Variants in PALLD observed in about 807,000 individuals in gnomAD.
PALLD encodes the protein palladin.
In PALLD, 61 loss-of-function variants were observed where a neutral mutation model predicts 123.5. That is an observed-to-expected ratio of 0.49 (90% CI 0.40 to 0.61). The LOEUF (loss-of-function observed/expected upper bound fraction) is 0.61, where lower values mean the gene tolerates loss of function less well. PALLD is among the 20% of genes least tolerant of loss of function. The pLI is 0.00. For synonymous variants in PALLD, 465 were observed against 496.4 expected (o/e 0.94, Z 0.84); for missense variants, 1,273 against 1,377.0 (o/e 0.92, Z 1.20).
intron 3 of PALLD, among the ~76,000 whole-genome samples, chr4:168,675,709 A>G (rs535363956): frequency 3.3e-5 from 5 of 152,330 alleles, no homozygotes; most frequent in African/African-American, 9.6e-5. Flanking sequence ...ATTTTTAAAT[A>G]CCATATTTTT....
chr4:168,538,968 C>G (rs1765350733), intron 2 of PALLD, among the ~76,000 whole-genome samples: 1 of 152,156 alleles, frequency 6.6e-6, no homozygotes, highest in Non-Finnish European at 1.5e-5. Flanking sequence ...TCCCCCAGCC[C>G]CTAAAAAGGC....
At chr4:168,699,074 C>T (rs943447336) in intron 8 of PALLD, among the ~76,000 whole-genome samples, 1 of 151,962 alleles carries the variant, frequency 6.6e-6, no homozygotes, top group Non-Finnish European at 1.5e-5. Flanking sequence ...TTAAAAAAAT[C>T]CTTTGCAATT....
Position 168,926,439 on chromosome 4 carries a change from A to T in PALLD, c.*259A>T. 2 of 1,283,742 alleles carry T rather than the reference A, an allele frequency of 1.6e-6. No homozygotes were observed. Among genetic ancestry groups the T allele is most frequent in the South Asian group, 2.6e-5 (2 of 77,694 alleles). The allele number at this position is 1,283,742 out of a possible 1,614,324, so 79.5% of individuals were successfully genotyped here. A position where few individuals can be genotyped will look rare whatever the true frequency, so the allele number is the denominator to read the frequency against. ...TGAAACAGCCATTGCCTTGACCAAC[A>T]TATTCCTTTGTCACATTATGTAAAA... On this transcript the variant is annotated 3_prime_UTR_variant, in exon 22 of 22. Transcript: ENST00000505667.
intron 10 of PALLD, among the ~76,000 whole-genome samples, chr4:168,890,642 C>T (rs1004778229): frequency 2.2e-4 from 33 of 152,170 alleles, no homozygotes; most frequent in African/African-American, 3.6e-4. Flanking sequence ...GCTGCCGCCT[C>T]GCTAAGACTT....
At chr4:168,615,062 G>T (rs906675357) in intron 2 of PALLD, among the ~76,000 whole-genome samples, 1 of 152,126 alleles carries the variant, frequency 6.6e-6, no homozygotes, top group Non-Finnish European at 1.5e-5. Context: ...TAAAGAAATA[G>T]GCTAAGGGAA....
intron 2 of PALLD, among the ~76,000 whole-genome samples, chr4:168,547,666 G>A (rs1274092525): frequency 3.3e-5 from 5 of 151,538 alleles, no homozygotes; most frequent in East Asian, 1.9e-4. Flanking sequence ...CCTGGGAGGC[G>A]TGGCCAGGCA....
intron 10 of PALLD, among the ~76,000 whole-genome samples, chr4:168,780,458 TCTTA>T (rs1224305156): frequency 6.6e-6 from 1 of 152,220 alleles, no homozygotes; most frequent in East Asian, 1.9e-4. Flanking sequence ...TTTTGCTGTT[TCTTA>T]CTAAGATTTG....
chr4:168,685,011 T>C (rs1239400451), intron 5 of PALLD, among the ~76,000 whole-genome samples: 4 of 152,218 alleles, frequency 2.6e-5, no homozygotes, highest in Admixed American at 2.6e-4. Flanking sequence ...AAAAAAATTC[T>C]TTTCTCTCCT....
intron 2 of PALLD, chr4:168,598,696 T>A: frequency 2.8e-6 from 1 of 360,428 alleles, no homozygotes; most frequent in Non-Finnish European, 5.5e-6. Context: ...AGGTTCCACC[T>A]TTGTTTTGCA....
At chr4:168,765,269 G>C (rs1247889675) in intron 10 of PALLD, among the ~76,000 whole-genome samples, 1 of 152,192 alleles carries the variant, frequency 6.6e-6, no homozygotes, top group Non-Finnish European at 1.5e-5. Context: ...GAAGGAGGGA[G>C]AAGGAAAAAC....
intron 2 of PALLD, among the ~76,000 whole-genome samples, chr4:168,645,120 G>A (rs1331758455): frequency 1.3e-5 from 2 of 151,642 alleles, no homozygotes; most frequent in Non-Finnish European, 2.9e-5. Flanking sequence ...AAAGGAAATA[G>A]GGAGAAAGAT....
chr4:168,555,254 C>T (rs1989171), intron 2 of PALLD, among the ~76,000 whole-genome samples: 100,190 of 152,018 alleles, frequency 0.66, 33,369 homozygotes, highest in East Asian at 0.85. Context: ...AGGTATCTGT[C>T]AAGGCTGATT....
chr4:168,616,088 G>A (rs1012330621), intron 2 of PALLD, among the ~76,000 whole-genome samples: 3 of 151,870 alleles, frequency 2.0e-5, no homozygotes, highest in Admixed American at 6.6e-5. Flanking sequence ...GTTTAAACTG[G>A]GTTGTATTCA....
intron 10 of PALLD, among the ~76,000 whole-genome samples, chr4:168,774,791 A>T (rs1182322747): frequency 6.7e-6 from 1 of 149,282 alleles, no homozygotes; most frequent in Non-Finnish European, 1.5e-5. Context: ...TTCCTACCCC[A>T]TTATAATCCC....
chr4:168,668,184 C>T lies in PALLD; in HGVS notation c.909-6C>T. 1 of 1,612,494 alleles carries T rather than the reference C, an allele frequency of 6.2e-7. No homozygotes were observed. Among genetic ancestry groups the T allele is most frequent in the Non-Finnish European group, 8.5e-7 (1 of 1,178,498 alleles). ...TCCTATCCTTTGACCTCCATTTGGCCTGCAGATGGTTCTGTGAAGGGAAAG... is the reference window on the plus strand; with the variant it reads ...TCCTATCCTTTGACCTCCATTTGGCTTGCAGATGGTTCTGTGAAGGGAAAG... On this transcript the variant is annotated splice_polypyrimidine_tract_variant and splice_region_variant and intron_variant, in intron 2 of 21. Transcript: ENST00000505667.
intron 10 of PALLD, among the ~76,000 whole-genome samples, chr4:168,739,213 T>C (rs1788081338): frequency 6.6e-6 from 1 of 152,244 alleles, no homozygotes; most frequent in South Asian, 2.1e-4. Context: ...TTGGCTACAG[T>C]GCTGCAGTAA....
intron 2 of PALLD, among the ~76,000 whole-genome samples, chr4:168,560,611 A>G (rs1310369707): frequency 2.0e-5 from 3 of 152,226 alleles, no homozygotes; most frequent in African/African-American, 7.2e-5. Flanking sequence ...CACTTTCCCA[A>G]GCAGTCTCTG....
chr4:168,620,194 C>T (rs557259817), intron 2 of PALLD, among the ~76,000 whole-genome samples: 44 of 152,322 alleles, frequency 2.9e-4, no homozygotes, highest in Admixed American at 2.4e-3. Flanking sequence ...CAGTGGCTCA[C>T]GCCTGTAATC....
At chr4:168,679,156 G>C (rs1361482464) in intron 3 of PALLD, among the ~76,000 whole-genome samples, 2 of 129,102 alleles carry the variant, frequency 1.5e-5, no homozygotes, top group African/African-American at 6.0e-5. Flanking sequence ...TGTGTGGGGG[G>C]TGTGTGTGCA....
Sources: gnomAD v4.1 joint callset for allele counts (sites outside exome capture counted in the v4.1 genomes callset) on GRCh38, gnomAD v4.1.1 for gene constraint, MANE v1.5 for transcripts, NCBI Gene and HGNC (gene_info 2026-07-23, HGNC 2026-07-21) for gene names.